The following TAF1 variants were observed in gnomAD, a reference collection of about 807,000 sequenced individuals.
TAF1 encodes transcription initiation factor TFIID subunit 1.
In TAF1, 2 loss-of-function variants were observed where a neutral mutation model predicts 138.5. The observed-to-expected ratio is 0.01, with a 90% CI of 0.01 to 0.05. TAF1 has a LOEUF of 0.05. Among genes scored for constraint, TAF1 ranks in the 10% least tolerant of loss-of-function variants. The pLI is 1.00. For missense variants in TAF1, 709 were observed against 1,478.0 expected (o/e 0.48, Z 8.53); for synonymous variants, 437 against 503.2 (o/e 0.87, Z 1.76).
chrX:71,447,896 T>C (rs776535674), intron 32 of TAF1, among the ~76,000 whole-genome samples: 1 of 110,982 alleles, frequency 9.0e-6, no homozygotes, highest in African/African-American at 3.3e-5. Flanking sequence ...GAATTCGAAT[T>C]GTATGTGATT....
At chrX:71,367,674 C>G (rs1305143404) in intron 2 of TAF1, 61 bp downstream of exon 2, 1 of 1,134,839 alleles carries the variant, frequency 8.8e-7, no homozygotes, top group East Asian at 3.0e-5. Context: ...TATGTATGTA[C>G]TTTTTTGTGT....
At chrX:71,383,596 T>A (rs1045071266) in intron 12 of TAF1, among the ~76,000 whole-genome samples, 6 of 111,988 alleles carry the variant, frequency 5.4e-5, no homozygotes, top group African/African-American at 1.6e-4. Flanking sequence ...CTCCTATAGT[T>A]TAAATCACCT....
chrX:71,491,155 A>G (rs1348489642), intron 13 of TAF1: 2 of 105,803 alleles, frequency 1.9e-5, no homozygotes, highest in African/African-American at 7.0e-5. Flanking sequence ...ACACCACTGC[A>G]CTCCGATCAG....
At chrX:71,419,603 G>A (rs1305828033) in intron 28 of TAF1, among the ~76,000 whole-genome samples, 1 of 111,400 alleles carries the variant, frequency 9.0e-6, no homozygotes, top group African/African-American at 3.3e-5. Context: ...GAGAAGAGGG[G>A]TGGGGTGGGT....
chrX:71,519,521 T>C (rs1250004308), intron 13 of TAF1, among the ~76,000 whole-genome samples: 4 of 105,178 alleles, frequency 3.8e-5, no homozygotes, highest in African/African-American at 1.4e-4. Context: ...CGGGCGCCTG[T>C]AGTCCCAGCT....
intron 14 of TAF1, among the ~76,000 whole-genome samples, chrX:71,385,952 A>G (rs1409947538): frequency 3.6e-5 from 4 of 111,023 alleles, no homozygotes; most frequent in Non-Finnish European, 5.7e-5. Flanking sequence ...ACCTGAGGTC[A>G]GGAGTTCGAG....
chrX:71,489,503 C>G (rs968161776), intron 13 of TAF1, among the ~76,000 whole-genome samples: 3 of 109,629 alleles, frequency 2.7e-5, no homozygotes, highest in African/African-American at 1.0e-4. Flanking sequence ...ATGGAGAAAC[C>G]CCGTCTCTAC....
At chrX:71,379,524 A>G (rs1442906230) in intron 8 of TAF1, among the ~76,000 whole-genome samples, 1 of 109,007 alleles carries the variant, frequency 9.2e-6, no homozygotes, top group Non-Finnish European at 1.9e-5. Flanking sequence ...GGAGGAAGAT[A>G]GTCCATGTAA....
At chrX:71,368,297 C>T in intron 3 of TAF1, 127 bp downstream of exon 3, 1 of 625,087 alleles carries the variant, frequency 1.6e-6, no homozygotes, top group Non-Finnish European at 2.4e-6. Context: ...GCTTTGGCTC[C>T]TCCACTCCCT....
At chrX:71,434,164 T>C (rs767280138) in intron 32 of TAF1, among the ~76,000 whole-genome samples, 1 of 111,839 alleles carries the variant, frequency 8.9e-6, no homozygotes, top group Admixed American at 9.5e-5. Flanking sequence ...AGGCCAGAAG[T>C]TCAAGATCAG....
chrX:71,497,604 G>A (rs895489392), intron 13 of TAF1, among the ~76,000 whole-genome samples: 16 of 111,522 alleles, frequency 1.4e-4, no homozygotes, highest in African/African-American at 4.2e-4. Flanking sequence ...GTTGTCCCAC[G>A]AGTTTGAGTA....
At chrX:71,393,931 A>C in intron 21 of TAF1, 136 bp from the exon 22 acceptor site, 1 of 643,126 alleles carries the variant, frequency 1.6e-6, no homozygotes, top group Non-Finnish European at 2.2e-6. Flanking sequence ...AAAACTTTGT[A>C]AAGCTTTTCT....
At position 71,382,766 on chromosome X, in the gene TAF1, G is replaced by C; in HGVS notation, c.1671G>C (p.Met557Ile). Residue 557 changes from methionine to isoleucine, a missense_variant, in exon 11 of 38, where the codon ATG (methionine) becomes ATC (isoleucine). Around this residue, in one of 14 missense-constraint regions of TAF1, gnomAD observed 201 missense variants for 421.3 expected, o/e 0.48. Transcript: ENST00000423759. ...GTTTGATTATCTATCATTAGAACATGTCTCAGCCAGAAGTGAAAGATCCAT... is the reference window on the plus strand; with the variant it reads ...GTTTGATTATCTATCATTAGAACATCTCTCAGCCAGAAGTGAAAGATCCAT... ...GVIKEEPQQN[M>I]SQPEVKDPWN... 8.3e-7 allele frequency: 1 copy of C among 1,208,639 alleles called. No homozygotes were observed. The highest frequency in any genetic ancestry group is 1.1e-6 in the Non-Finnish European group (1 of 894,334).
At position 71,421,310 on chromosome X, in the gene TAF1, G is replaced by A. The variant is rs757969918; in HGVS notation, c.4386G>A (p.Gly1462=). The change falls in exon 29 of 38, where the codon GGG becomes GGA. Residue 1462 remains glycine (G), a splice_region_variant and synonymous_variant. Coordinates refer to ENST00000423759, the MANE Select transcript of TAF1 (RefSeq NM_004606.5). The part of the protein sequence containing the change: ...LIVKNSATYN[G]PKHSLTQISQ... ...TCATCTCTTTCTGTTCCTCTACAGG[G>A]CCAAAACACTCATTGACTCAGATCT... 3 of 1,197,797 alleles carry A rather than the reference G, an allele frequency of 2.5e-6. No homozygotes were observed. Among genetic ancestry groups the A allele is most frequent in the Non-Finnish European group, 3.4e-6 (3 of 887,093 alleles).
At chrX:71,439,263 A>G (rs2037293403) in intron 32 of TAF1, among the ~76,000 whole-genome samples, 2 of 111,378 alleles carry the variant, frequency 1.8e-5, no homozygotes, top group South Asian at 7.5e-4. Context: ...TTAATGGGGC[A>G]TTAACATTAC....
At chrX:71,430,808 G>A (rs1317024531) in intron 32 of TAF1, among the ~76,000 whole-genome samples, 1 of 110,917 alleles carries the variant, frequency 9.0e-6, no homozygotes, top group Non-Finnish European at 1.9e-5. Context: ...TTTTTGGAAG[G>A]ATGAATAAAT....
At position 71,463,935 on chromosome X, in the gene TAF1, G is replaced by A. The variant is rs1228962611; in HGVS notation, c.5511G>A (p.Glu1837=). 8.3e-7 allele frequency: 1 copy of A among 1,207,291 alleles called. No homozygotes were observed. Among genetic ancestry groups the A allele is most frequent in the Non-Finnish European group, 1.1e-6 (1 of 893,077 alleles). The part of the protein sequence containing the change: ...SEEEEDEEEE[E]QRSGPSVLSQ... ...AGGAAGAAGATGAGGAGGAGGAAGA[G>A]CAGCGCTCTGGGCCGAGCGTACTAA... The change falls in exon 38 of 38, where the codon GAG becomes GAA. Residue 1837 remains glutamate, a synonymous_variant. Transcript: ENST00000423759.
chrX:71,440,889 C>T (rs1310362116), intron 32 of TAF1, among the ~76,000 whole-genome samples: 3 of 110,528 alleles, frequency 2.7e-5, no homozygotes, highest in African/African-American at 9.9e-5. Context: ...TTTTCATGTG[C>T]CATCTGTGTC....
chrX:71,413,681 G>A (rs1569320772), intron 28 of TAF1, among the ~76,000 whole-genome samples: 1 of 111,136 alleles, frequency 9.0e-6, no homozygotes, highest in Non-Finnish European at 1.9e-5. Context: ...TTGTCTGCCA[G>A]ACATGTCCAT....
Sources: gnomAD v4.1 joint callset for allele counts (sites outside exome capture counted in the v4.1 genomes callset) on GRCh38, gnomAD v4.1.1 for gene constraint, gnomAD v4.1.1 regional missense constraint, MANE v1.5 for transcripts, NCBI Gene and HGNC (gene_info 2026-07-23, HGNC 2026-07-21) for gene names.